The following DRC5 variants were observed in gnomAD, a reference collection of about 807,000 sequenced individuals.
The protein encoded by DRC5 is T-complex-associated testis-expressed protein 1.
the DRC5 span, among the ~76,000 whole-genome samples, chr6:44,282,799 C>CTT: frequency 0.012 from 1,253 of 105,190 alleles, 44 homozygotes; most frequent in African/African-American, 0.015. Flanking sequence ...CCTTTTTTAT[C>CTT]TTTTTTTTTT....
the DRC5 span, among the ~76,000 whole-genome samples, chr6:44,293,529 C>T: frequency 1.3e-5 from 2 of 152,158 alleles, no homozygotes; most frequent in African/African-American, 4.8e-5. Flanking sequence ...CCCCATTTTA[C>T]AGATGAAGAA....
chr6:44,291,788 T>C, the DRC5 span, among the ~76,000 whole-genome samples: 1 of 152,026 alleles, frequency 6.6e-6, no homozygotes, highest in Non-Finnish European at 1.5e-5. Context: ...AATGCCAGAC[T>C]CTCCTACATC....
At chr6:44,286,773 T>G in the DRC5 span, among the ~76,000 whole-genome samples, 3 of 152,226 alleles carry the variant, frequency 2.0e-5, no homozygotes, top group Non-Finnish European at 4.4e-5. Flanking sequence ...GTTCCCAGAC[T>G]GAGGAAGACT....
the DRC5 span, chr6:44,287,851 C>G: frequency 1.2e-6 from 2 of 1,604,910 alleles, no homozygotes; most frequent in Non-Finnish European, 1.7e-6. Context: ...GGTAGGGGTG[C>G]GTGGCCCCTG....
At chr6:44,288,994 A>AAAAAAAAAAAAAAAG in the DRC5 span, among the ~76,000 whole-genome samples, 1 of 32,932 alleles carries the variant, frequency 3.0e-5, no homozygotes, top group African/African-American at 9.1e-5. Context: ...ACTCTGTCTC[A>AAAAAAAAAAAAAAAG]AAAAAAAAAA....
At chr6:44,289,437 A>G in the DRC5 span, among the ~76,000 whole-genome samples, 1 of 152,184 alleles carries the variant, frequency 6.6e-6, no homozygotes, top group South Asian at 2.1e-4. Flanking sequence ...CTATGTTTTC[A>G]TATGAGGTCT....
At chr6:44,292,838 CGATA>C in the DRC5 span, among the ~76,000 whole-genome samples, 1 of 152,082 alleles carries the variant, frequency 6.6e-6, no homozygotes, top group Non-Finnish European at 1.5e-5. Context: ...CCAGCAGAAA[CGATA>C]GATAGACAGA....
chr6:44,297,515 AC>A, the DRC5 span: 1 of 152,358 alleles, frequency 6.6e-6, no homozygotes, highest in Admixed American at 6.5e-5. Context: ...GCCACGGAAA[AC>A]GCAACCCAGG....
At chr6:44,282,006 C>T in the DRC5 span, 1 of 1,073,404 alleles carries the variant, frequency 9.3e-7, no homozygotes, top group Non-Finnish European at 1.4e-6. Flanking sequence ...ATACTTGATG[C>T]AGTATGTAGT....
chr6:44,287,856 C>T, the DRC5 span: 1 of 1,601,028 alleles, frequency 6.2e-7, no homozygotes, highest in South Asian at 1.1e-5. Flanking sequence ...GGGTGCGTGG[C>T]CCCTGGATGG....
the DRC5 span, chr6:44,282,158 G>A: frequency 1.2e-6 from 2 of 1,614,204 alleles, no homozygotes; most frequent in Non-Finnish European, 1.7e-6. Flanking sequence ...GTGTGGTGTT[G>A]ATGGCGAGCA....
the DRC5 span, among the ~76,000 whole-genome samples, chr6:44,286,980 G>C: frequency 6.6e-6 from 1 of 152,192 alleles, no homozygotes. Flanking sequence ...AAGCAAACAG[G>C]GCTCTCCCTT....
At chr6:44,279,746 AGGGT>A in the DRC5 span, 1 of 125,590 alleles carries the variant, frequency 8.0e-6, no homozygotes, top group Admixed American at 8.8e-5. Flanking sequence ...CTGTAGCCAG[AGGGT>A]GTGTGTGTGT....
At chr6:44,282,416 C>T in the DRC5 span, 3 of 1,614,064 alleles carry the variant, frequency 1.9e-6, no homozygotes, top group Non-Finnish European at 2.5e-6. Context: ...TGTGGCTCAG[C>T]AGCTTGGCAG....
chr6:44,295,789 C>A, the DRC5 span, among the ~76,000 whole-genome samples: 2,470 of 152,306 alleles, frequency 0.016, 67 homozygotes, highest in African/African-American at 0.057. Context: ...CGGTGCCCCC[C>A]ACTATCTGTG....
chr6:44,282,279 T>A, the DRC5 span: 1 of 1,614,198 alleles, frequency 6.2e-7, no homozygotes, highest in East Asian at 2.2e-5. Context: ...GCCACCCTCA[T>A]CCTCGATGCA....
At chr6:44,294,289 G>C in the DRC5 span, among the ~76,000 whole-genome samples, 4 of 152,120 alleles carry the variant, frequency 2.6e-5, no homozygotes, top group African/African-American at 9.7e-5. Context: ...GCCTAATGTA[G>C]CAAACTTTTT....
the DRC5 span, among the ~76,000 whole-genome samples, chr6:44,283,539 CT>C: frequency 6.6e-6 from 1 of 152,210 alleles, no homozygotes; most frequent in Admixed American, 6.5e-5. Flanking sequence ...TCTCTCTACC[CT>C]TCGGTTCACT....
At chr6:44,286,613 G>A in the DRC5 span, 1 of 1,281,140 alleles carries the variant, frequency 7.8e-7, no homozygotes, top group Admixed American at 2.1e-5. Flanking sequence ...GGGCCTGCCT[G>A]GGAGCACCAG....
Sources: gnomAD v4.1 joint callset for allele counts (sites outside exome capture counted in the v4.1 genomes callset) on GRCh38, gnomAD v4.1.1 for gene constraint, MANE v1.5 for transcripts, NCBI Gene and HGNC (gene_info 2026-07-23, HGNC 2026-07-21) for gene names.